Variants in SMARCA2 observed in about 807,000 individuals in gnomAD.
SMARCA2 encodes the protein SWI/SNF-related matrix-associated actin-dependent regulator of chromatin subfamily A member 2.
SMARCA2 carries 61 observed loss-of-function variants against 199.8 expected under a neutral mutation model. The ratio of observed to expected loss-of-function variants is 0.31; its 90% CI spans 0.25 to 0.38. SMARCA2 has a LOEUF of 0.38. Ranked by LOEUF, SMARCA2 falls within the 10% of genes least tolerant of loss-of-function variation. SMARCA2 has a pLI of 1.00. For synonymous variants in SMARCA2, 935 were observed against 732.0 expected, an observed-to-expected ratio of 1.28 and a Z score of -4.48; for missense variants, 1,344 against 2,012.2, an observed-to-expected ratio of 0.67 and a Z score of 6.35.
chr9:2,127,469 A>T (rs6475507), intron 27 of SMARCA2, among the ~76,000 whole-genome samples: 46,753 of 152,118 alleles, frequency 0.31, 12,103 homozygotes, highest in African/African-American at 0.7. Context: ...TGGTAGGTAT[A>T]CCTGATTGGT....
chr9:2,147,658 CA>C lies in SMARCA2; in HGVS notation c.3982-14026del, dbSNP rs1037726168. On this transcript the variant is annotated intron_variant, in intron 27 of 33. Coordinates refer to ENST00000349721, the MANE Select transcript of SMARCA2 (RefSeq NM_003070.5). The stretch of plus-strand genomic sequence containing the variant: ...GTCAGGAGTTCGAGACCAGCCTGGC[CA>C]ACACGGCAAAACCCTGTCTCTACTA... Among the ~76,000 whole-genome samples the C allele has an allele frequency of 3.0e-4, 46 of 152,140 alleles. 1 individual carries two copies. The highest frequency in any genetic ancestry group is 9.6e-4 in the African/African-American group (40 of 41,496).
Position 2,016,848 on chromosome 9 carries a change from T to C in SMARCA2, c.-37+1444T>C, listed in dbSNP as rs1282958282. ...ACCCGGCCGTCTTCCCTTCCTCCCG[T>C]TTGCGTTGCAAAACACGGCCATGCC... On this transcript the variant is annotated intron_variant, in intron 1 of 33. Transcript: ENST00000349721. The surrounding 1 kb of genome is among the most constrained non-coding windows in gnomAD (Gnocchi z 5.6). Among the ~76,000 whole-genome samples, 2 of 152,264 alleles carry C rather than the reference T, an allele frequency of 1.3e-5. No homozygotes were observed. The highest frequency in any genetic ancestry group is 2.9e-5 in the Non-Finnish European group (2 of 67,990).
intron 9 of SMARCA2, among the ~76,000 whole-genome samples, chr9:2,064,568 T>C (rs1359165805): frequency 6.6e-6 from 1 of 152,240 alleles, no homozygotes; most frequent in African/African-American, 2.4e-5. Flanking sequence ...CTTTGTGATG[T>C]TGAATCAATA....
intron 4 of SMARCA2, chr9:2,044,197 C>G (rs1432758961): frequency 6.6e-6 from 1 of 152,210 alleles, no homozygotes; most frequent in Non-Finnish European, 1.5e-5. Context: ...AGTTCCCCGG[C>G]CTCTGTTAAG....
chr9:2,052,816 G>C (rs1217627873), intron 5 of SMARCA2, among the ~76,000 whole-genome samples: 1 of 152,130 alleles, frequency 6.6e-6, no homozygotes, highest in Admixed American at 6.5e-5. Flanking sequence ...TAATGAAAAT[G>C]ATGGCTGTCG....
At chr9:2,036,199 T>G (rs184139355) in intron 3 of SMARCA2, among the ~76,000 whole-genome samples, 2 of 152,140 alleles carry the variant, frequency 1.3e-5, no homozygotes, top group African/African-American at 4.8e-5. Context: ...TGTGTGTGTG[T>G]GTGTTTGTAT....
At chr9:2,094,330 C>T (rs1005140033) in intron 19 of SMARCA2, among the ~76,000 whole-genome samples, 25 of 152,332 alleles carry the variant, frequency 1.6e-4, no homozygotes, top group African/African-American at 4.8e-4. Context: ...GACTTGACCT[C>T]GTTGAGAATG....
rs1962293 is a variant in SMARCA2 at position 2,110,744 on chromosome 9, T to C, written c.3456+327T>C. Among the ~76,000 whole-genome samples, 41,016 of 152,034 alleles carry C rather than the reference T, an allele frequency of 0.27. 6,324 individuals carry two copies. The highest frequency in any genetic ancestry group is 0.42 in the African/African-American group (17,546 of 41,438). On this transcript the variant is annotated intron_variant, in intron 24 of 33. Coordinates refer to ENST00000349721, the MANE Select transcript of SMARCA2 (RefSeq NM_003070.5). The surrounding 1 kb of genome is among the most constrained non-coding windows in gnomAD (Gnocchi z 4.8). Reference sequence around the variant, plus strand: ...TGCAAAATCATAGCAGTAAGAACAATAGCAACCATCATTCATGGGACCCTT... The same window carrying C: ...TGCAAAATCATAGCAGTAAGAACAACAGCAACCATCATTCATGGGACCCTT...
Position 2,086,763 on chromosome 9 carries a change from T to C in SMARCA2, c.2527-66T>C. 1.3e-6 allele frequency: 2 copies of C among 1,584,638 alleles called. No homozygotes were observed. The highest frequency in any genetic ancestry group is 3.4e-5 in the Admixed American group (2 of 59,414). ...TTCTTTGGTTTTCCGCACCACCACTTGCTTGTTGGAAATAGTTGTATTTTC... is the reference window on the plus strand; with the variant it reads ...TTCTTTGGTTTTCCGCACCACCACTCGCTTGTTGGAAATAGTTGTATTTTC... On this transcript the variant is annotated intron_variant, in intron 17 of 33. Coordinates refer to ENST00000349721, the MANE Select transcript of SMARCA2 (RefSeq NM_003070.5). The surrounding 1 kb of genome is among the most constrained non-coding windows in gnomAD (Gnocchi z 4.3).
chr9:2,189,719 A>G (rs1827747718), intron 32 of SMARCA2, among the ~76,000 whole-genome samples: 1 of 152,126 alleles, frequency 6.6e-6, no homozygotes, highest in South Asian at 2.1e-4. Flanking sequence ...TATAATAGAT[A>G]GAAGCCTTGG....
At position 2,170,373 on chromosome 9, in the gene SMARCA2, A is replaced by G. The variant is rs1826182636; in HGVS notation, c.4200-46A>G. 5.0e-6 allele frequency: 8 copies of G among 1,612,940 alleles called. No individual in the cohort carries two copies. The highest frequency in any genetic ancestry group is 1.3e-5 in the African/African-American group (1 of 74,898). On this transcript the variant is annotated intron_variant, in intron 28 of 33. Coordinates refer to ENST00000349721, the MANE Select transcript of SMARCA2 (RefSeq NM_003070.5). The surrounding 1 kb of genome is among the most constrained non-coding windows in gnomAD (Gnocchi z 4.7). ...AGGAAGAAGGAGCCGGGCGGGGACG[A>G]GAACCCAGGTCTTCTGACTCTAGTG...
At position 2,073,256 on chromosome 9, in the gene SMARCA2, G is replaced by C. The variant is rs758790369; in HGVS notation, c.1791G>C (p.Val597=). 3.1e-6 allele frequency: 5 copies of C among 1,614,166 alleles called. No individual in the cohort carries two copies. Among genetic ancestry groups the C allele is most frequent in the Middle Eastern group, 1.6e-4 (1 of 6,062 alleles). ...SSQMSDLPVK[V]THTETGKVLF... ...AGATGAGTGACCTCCCTGTCAAAGT[G>C]ACTCACACAGAAACCGGCAAGGTTC... The change falls in exon 11 of 34, where the codon GTG becomes GTC. Residue 597 remains valine (V), a synonymous_variant. Transcript: ENST00000349721.
intron 27 of SMARCA2, among the ~76,000 whole-genome samples, chr9:2,153,800 C>T (rs997258236): frequency 1.3e-5 from 2 of 151,364 alleles, no homozygotes; most frequent in African/African-American, 2.4e-5. Context: ...TTCCACACGT[C>T]TATGCAAAGC....
At chr9:2,145,304 CAAAAAAAA>C (rs56314428) in intron 27 of SMARCA2, among the ~76,000 whole-genome samples, 14 of 132,304 alleles carry the variant, frequency 1.1e-4, no homozygotes, top group Non-Finnish European at 1.7e-4. Flanking sequence ...ACTCTTGTCT[CAAAAAAAA>C]AAAAAAAAAA....
intron 1 of SMARCA2, among the ~76,000 whole-genome samples, chr9:2,018,335 G>T (rs908001229): frequency 6.6e-6 from 1 of 151,210 alleles, no homozygotes; most frequent in Non-Finnish European, 1.5e-5. Context: ...TAACTTTTGG[G>T]TGAGTTTTGC....
rs1818345287 is a variant in SMARCA2 at position 2,016,148 on chromosome 9, G to C, written c.-37+744G>C. On this transcript the variant is annotated intron_variant, in intron 1 of 33. Transcript: ENST00000349721. This position sits in a 1 kb window ranked among gnomAD's most constrained non-coding sequence, Gnocchi z 5.6. ...GCGGCCACTGCCGCGGGGCCGGTGCGTGCCTGATCGGAGGTGTCACCTCCA... is the reference window on the plus strand; with the variant it reads ...GCGGCCACTGCCGCGGGGCCGGTGCCTGCCTGATCGGAGGTGTCACCTCCA... The C allele has an allele frequency of 6.6e-6, 1 of 152,486 alleles. No individual in the cohort carries two copies. 9.4% of individuals were successfully genotyped at this position (152,486 alleles called of 1,614,324 possible).
At chr9:2,190,610 T>G (rs1379301268) in intron 32 of SMARCA2, among the ~76,000 whole-genome samples, 2 of 150,044 alleles carry the variant, frequency 1.3e-5, no homozygotes, top group South Asian at 4.3e-4. Flanking sequence ...ATAGAGAGAC[T>G]TTTATAGAAT....
rs763719312 is a variant in SMARCA2, at chr9:2,039,935, G to A, written c.790+35G>A. 1 of 1,604,906 alleles carries A rather than the reference G, an allele frequency of 6.2e-7. No homozygotes were observed. The highest frequency in any genetic ancestry group is 1.1e-5 in the South Asian group (1 of 90,706). Reference sequence around the variant, plus strand: ...TACGCAACCAAATGAATAATGCCATGGTCCAACTCGGATAACAAAGACTGC... The same window carrying A: ...TACGCAACCAAATGAATAATGCCATAGTCCAACTCGGATAACAAAGACTGC... On this transcript the variant is annotated intron_variant, in intron 4 of 33. Transcript: ENST00000349721. This position sits in a 1 kb window ranked among gnomAD's most constrained non-coding sequence, Gnocchi z 4.8.
intron 27 of SMARCA2, among the ~76,000 whole-genome samples, chr9:2,147,773 G>A (rs1369954700): frequency 5.3e-5 from 8 of 151,402 alleles, no homozygotes; most frequent in Admixed American, 1.3e-4. Flanking sequence ...GCTTGAACCC[G>A]GGAGGCAGAG....
Sources: gnomAD v4.1 joint callset for allele counts (sites outside exome capture counted in the v4.1 genomes callset) on GRCh38, gnomAD v4.1.1 for gene constraint, Gnocchi (gnomAD v3.1) non-coding constraint, MANE v1.5 for transcripts, NCBI Gene and HGNC (gene_info 2026-07-23, HGNC 2026-07-21) for gene names.